The following ACSBG2 variants were observed in gnomAD, a reference collection of about 807,000 sequenced individuals.
ACSBG2 encodes the protein acyl-CoA synthetase bubblegum family member 2, also known as long-chain-fatty-acid--CoA ligase ACSBG2.
Under a neutral mutation model 74.7 loss-of-function variants are expected in ACSBG2, and 62 were observed. The observed-to-expected ratio is 0.83, with a 90% confidence interval of 0.68 to 1.03. The LOEUF (loss-of-function observed/expected upper bound fraction) is 1.03, where lower values mean the gene tolerates loss of function less well. ACSBG2 is among the 50% of genes least tolerant of loss of function. The pLI is 0.00. For synonymous variants in ACSBG2, 309 were observed against 294.1 expected (o/e 1.05, Z -0.52); for missense variants, 730 against 817.6 (o/e 0.89, Z 1.31).
chr19:6,188,751 G>A lies in ACSBG2; in HGVS notation c.1927+906G>A, dbSNP rs1387243113. On this transcript the variant is annotated intron_variant, in intron 13 of 14. Coordinates refer to ENST00000588485, the MANE Select transcript of ACSBG2 (RefSeq NM_030924.5). The stretch of plus-strand genomic sequence containing the variant: ...GAATTCTGGGCTGGGGTTTTAAGGG[G>A]ATCTTTGGGGGTGAAGGGCTGGAAA... 3.3e-5 allele frequency among the ~76,000 whole-genome samples: 5 copies of A among 152,134 alleles called. No individual in the cohort carries two copies. The East Asian group carries it at 5.8e-4, about 18-fold the overall frequency.
intron 7 of ACSBG2, among the ~76,000 whole-genome samples, chr19:6,171,207 G>C (rs1211057281): frequency 1.3e-5 from 2 of 152,142 alleles, no homozygotes; most frequent in Non-Finnish European, 2.9e-5. Context: ...TTTAAGTGCT[G>C]TATTTAGGAT....
Position 6,147,533 on chromosome 19 carries a change from C to G in ACSBG2, c.155C>G (p.Thr52Ser). 6.2e-7 allele frequency: 1 copy of G among 1,614,188 alleles called. No individual in the cohort carries two copies. Among genetic ancestry groups the G allele is most frequent in the Non-Finnish European group, 8.5e-7 (1 of 1,180,036 alleles). Residue 52 changes from threonine (T) to serine (S), a missense_variant, in exon 3 of 15, where the codon ACC becomes AGC. Coordinates refer to ENST00000588485, the MANE Select transcript of ACSBG2 (RefSeq NM_030924.5). ...GGACCAGGCCATGAGACCCCGATGACCATCCCTGAATTTTTTCGAGAGTCA... is the reference window on the plus strand; with the variant it reads ...GGACCAGGCCATGAGACCCCGATGAGCATCCCTGAATTTTTTCGAGAGTCA... The part of the protein sequence containing the change: ...KHGPGHETPM[T>S]IPEFFRESVN...
chr19:6,155,663 A>G (rs1472991631), intron 4 of ACSBG2, among the ~76,000 whole-genome samples: 1 of 151,790 alleles, frequency 6.6e-6, no homozygotes, highest in African/African-American at 2.4e-5. Flanking sequence ...GGTGGTGCAT[A>G]CCTGTAATCC....
intron 7 of ACSBG2, among the ~76,000 whole-genome samples, chr19:6,169,609 T>C (rs1452534715): frequency 6.6e-6 from 1 of 152,194 alleles, no homozygotes; most frequent in Admixed American, 6.5e-5. Flanking sequence ...TTTATATAAT[T>C]ATGTGAAAAA....
rs1426948047 is a variant in ACSBG2, at chr19:6,183,122, G to C, written c.1172G>C (p.Cys391Ser). The C allele has an allele frequency of 6.2e-7, 1 of 1,614,206 alleles. No individual in the cohort carries two copies. Among genetic ancestry groups the C allele is most frequent in the Non-Finnish European group, 8.5e-7 (1 of 1,180,042 alleles). Residue 391 changes from cysteine (C) to serine (S), a missense_variant, in exon 10 of 15, where the codon TGT becomes TCT. Physicochemically the swap from Cys to Ser is moderately radical, Grantham distance 112 (BLOSUM62 -1). Transcript: ENST00000588485. ...KVKTSLGLDH[C>S]HSFISGTAPL... ...AAGACATCCCTTGGCTTGGATCACT[G>C]TCACTCTTTTATCAGTGGGACTGCG...
rs1474529392 is a variant in ACSBG2, at chr19:6,182,836, T to C, written c.992T>C (p.Val331Ala). Residue 331 changes from valine to alanine, a missense_variant, in exon 9 of 15, where the codon GTG becomes GCG. By Grantham distance (64) the Val-to-Ala change is moderately conservative. Coordinates refer to ENST00000588485, the MANE Select transcript of ACSBG2 (RefSeq NM_030924.5). Reference protein sequence around the residue: ...PQIWEKIHEMVKKNSAKSMGL... With the variant: ...PQIWEKIHEMAKKNSAKSMGL... ...ATTTGGGAGAAGATACATGAGATGGTGAAGAAAAATAGTGCCAAGTCCATG... is the reference window on the plus strand; with the variant it reads ...ATTTGGGAGAAGATACATGAGATGGCGAAGAAAAATAGTGCCAAGTCCATG... 3 of 1,614,028 alleles carry C rather than the reference T, an allele frequency of 1.9e-6. No homozygotes were observed. The East Asian group carries it at 6.7e-5, about 36-fold the overall frequency.
chr19:6,166,280 T>C (rs1046319551), intron 7 of ACSBG2, among the ~76,000 whole-genome samples: 1 of 119,096 alleles, frequency 8.4e-6, no homozygotes, highest in African/African-American at 3.8e-5. Flanking sequence ...GTCAGGAAGG[T>C]TGTGTGTGTG....
rs540312348 is a variant in ACSBG2 at position 6,180,401 on chromosome 19, T to C, written c.907-2350T>C. Among the ~76,000 whole-genome samples the C allele has an allele frequency of 4.0e-4, 61 of 152,348 alleles. No homozygotes were observed. The Middle Eastern group carries it at 0.01, about 25-fold the overall frequency. Reference sequence around the variant, plus strand: ...GACTCTTCTTTGTCACTTAGCTCTCTGCTAAATATTTCCTTGGCCCCTCTC... The same window carrying C: ...GACTCTTCTTTGTCACTTAGCTCTCCGCTAAATATTTCCTTGGCCCCTCTC... On this transcript the variant is annotated intron_variant, in intron 8 of 14. Coordinates refer to ENST00000588485, the MANE Select transcript of ACSBG2 (RefSeq NM_030924.5). This position sits in a 1 kb window ranked among gnomAD's most constrained non-coding sequence, Gnocchi z 4.3.
chr19:6,152,767 G>T (rs772137966), intron 4 of ACSBG2, among the ~76,000 whole-genome samples: 2 of 152,070 alleles, frequency 1.3e-5, no homozygotes, highest in East Asian at 1.9e-4. Flanking sequence ...ATGGCAAAAA[G>T]TCGGGGACAA....
At chr19:6,150,687 T>C (rs925896718) in intron 3 of ACSBG2, among the ~76,000 whole-genome samples, 2 of 151,820 alleles carry the variant, frequency 1.3e-5, no homozygotes, top group African/African-American at 4.8e-5. Context: ...TGCCAGGGGC[T>C]GGGGAAGGGG....
At position 6,153,816 on chromosome 19, in the gene ACSBG2, C is replaced by G. The variant is rs188495821; in HGVS notation, c.386+2021C>G. 1.0e-3 allele frequency among the ~76,000 whole-genome samples: 147 copies of G among 147,230 alleles called. No individual in the cohort carries two copies. The Middle Eastern group carries it at 0.028, about 28-fold the overall frequency. Reference sequence around the variant, plus strand: ...TGAATTATGATCATACCACTGCACTCCAGCCTGGGCAACAGAGTGAGACCC... The same window carrying G: ...TGAATTATGATCATACCACTGCACTGCAGCCTGGGCAACAGAGTGAGACCC... On this transcript the variant is annotated intron_variant, in intron 4 of 14. Transcript: ENST00000588485.
chr19:6,151,670 TTA>T lies in ACSBG2; in HGVS notation c.298-35_298-34del, dbSNP rs1415359848. The T allele has an allele frequency of 2.0e-6, 3 of 1,529,620 alleles. No individual in the cohort carries two copies. The African/African-American group carries it at 4.1e-5, about 21-fold the overall frequency. 94.8% of individuals were successfully genotyped at this position (1,529,620 alleles called of 1,614,324 possible). ...TCCTAATGATATAACATCTCTGTGTTTATGTTTTGTTTTTCTGTTTGCTTTTT... is the reference window on the plus strand; with the variant it reads ...TCCTAATGATATAACATCTCTGTGTTTGTTTTGTTTTTCTGTTTGCTTTTT... On this transcript the variant is annotated intron_variant, in intron 3 of 14. Transcript: ENST00000588485.
intron 4 of ACSBG2, among the ~76,000 whole-genome samples, chr19:6,152,187 T>C (rs2089260404): frequency 6.6e-6 from 1 of 151,864 alleles, no homozygotes; most frequent in South Asian, 2.1e-4. Context: ...ACACAGCCAG[T>C]GGGCAGCCTT....
intron 14 of ACSBG2, 199 bp downstream of exon 14, chr19:6,190,891 C>A: frequency 2.2e-6 from 1 of 465,090 alleles, no homozygotes; most frequent in Admixed American, 3.3e-5. Flanking sequence ...GGCTTCAACT[C>A]ATGCTGTCTC....
chr19:6,181,711 T>A (rs960122843), intron 8 of ACSBG2, among the ~76,000 whole-genome samples: 9 of 152,144 alleles, frequency 5.9e-5, no homozygotes, highest in Non-Finnish European at 1.2e-4. Context: ...TAATGCATTT[T>A]GAGGTAATTT....
At chr19:6,191,572 C>T (rs1283846833) in intron 14 of ACSBG2, 1 of 152,224 alleles carries the variant, frequency 6.6e-6, no homozygotes, top group East Asian at 1.9e-4. Flanking sequence ...TCTGTCTTCA[C>T]ATCATCTTCC....
At chr19:6,154,402 AAGAGAGAGAGAG>A (rs547084046) in intron 4 of ACSBG2, among the ~76,000 whole-genome samples, 2 of 83,298 alleles carry the variant, frequency 2.4e-5, no homozygotes, top group African/African-American at 8.0e-5. Flanking sequence ...CCGTCTCAAA[AAGAGAGAGAGAG>A]AGAGAGAGAG....
chr19:6,136,258 A>AT (rs1459198976), intron 1 of ACSBG2, among the ~76,000 whole-genome samples: 2 of 151,916 alleles, frequency 1.3e-5, no homozygotes, highest in African/African-American at 4.8e-5. Context: ...TGCCCGGCTA[A>AT]TTTTTTGTAT....
intron 8 of ACSBG2, among the ~76,000 whole-genome samples, chr19:6,182,106 T>C (rs1456289195): frequency 1.3e-5 from 2 of 152,224 alleles, no homozygotes; most frequent in South Asian, 2.1e-4. Flanking sequence ...TAAAATCAGG[T>C]AGTAAGTCCT....
Sources: gnomAD v4.1 joint callset for allele counts (sites outside exome capture counted in the v4.1 genomes callset) on GRCh38, gnomAD v4.1.1 for gene constraint, Gnocchi (gnomAD v3.1) non-coding constraint, MANE v1.5 for transcripts, NCBI Gene and HGNC (gene_info 2026-07-23, HGNC 2026-07-21) for gene names.